The following CEP112 variants were observed in gnomAD, a reference collection of about 807,000 sequenced individuals.
The protein encoded by CEP112 is centrosomal protein of 112 kDa.
A neutral mutation model predicts 153.0 loss-of-function variants in CEP112; 127 were observed. The observed-to-expected ratio is 0.83, with a 90% CI of 0.72 to 0.96. The LOEUF is 0.96. Ranked by LOEUF, CEP112 falls within the 40% of genes least tolerant of loss-of-function variation. The pLI is 0.00. For missense variants in CEP112, 1,089 were observed against 1,101.2 expected, an observed-to-expected ratio of 0.99 and a Z score of 0.16; for synonymous variants, 358 against 374.4, an observed-to-expected ratio of 0.96 and a Z score of 0.51.
At chr17:65,984,043 G>A (rs1037694767) in intron 17 of CEP112, among the ~76,000 whole-genome samples, 1 of 152,002 alleles carries the variant, frequency 6.6e-6, no homozygotes, top group Non-Finnish European at 1.5e-5. Context: ...ACCAATTTAA[G>A]ATACTCTACA....
intron 4 of CEP112, among the ~76,000 whole-genome samples, chr17:66,138,403 A>C (rs1371385281): frequency 6.6e-6 from 1 of 152,208 alleles, no homozygotes; most frequent in East Asian, 1.9e-4. Flanking sequence ...CAAATAAGAC[A>C]AACGTTAAGT....
At chr17:65,828,626 T>A (rs964069657) in intron 21 of CEP112, among the ~76,000 whole-genome samples, 4 of 152,182 alleles carry the variant, frequency 2.6e-5, no homozygotes, top group African/African-American at 2.4e-5. Context: ...ATTATGGGGT[T>A]CCCTCTTACA....
At chr17:66,069,862 C>A (rs1412240366) in intron 9 of CEP112, 53 bp downstream of exon 9, 10 of 1,005,716 alleles carry the variant, frequency 9.9e-6, no homozygotes, top group Non-Finnish European at 1.5e-5. Flanking sequence ...CATCATAAAA[C>A]CTAGAATATT....
intron 20 of CEP112, among the ~76,000 whole-genome samples, chr17:65,869,729 G>A (rs1050145750): frequency 7.2e-5 from 11 of 151,742 alleles, no homozygotes; most frequent in South Asian, 2.1e-4. Context: ...ACAGGCAGGC[G>A]CCCGCCACCA....
intron 18 of CEP112, among the ~76,000 whole-genome samples, chr17:65,941,077 A>G (rs1003959936): frequency 6.6e-6 from 1 of 152,118 alleles, no homozygotes; most frequent in African/African-American, 2.4e-5. Context: ...GGTCAAAAAA[A>G]TCTCTTAAGG....
intron 20 of CEP112, among the ~76,000 whole-genome samples, chr17:65,858,513 G>C (rs981803203): frequency 5.9e-5 from 9 of 151,722 alleles, no homozygotes; most frequent in African/African-American, 2.2e-4. Context: ...TTTAATCTCT[G>C]ATGATCTGGA....
chr17:65,679,121 G>C (rs374022222), intron 24 of CEP112, among the ~76,000 whole-genome samples: 160 of 86,764 alleles, frequency 1.8e-3, no homozygotes, highest in African/African-American at 6.2e-3. Context: ...TTGACACTGT[G>C]GTTCAAGCTT....
At chr17:66,074,782 G>T (rs1199050978) in intron 8 of CEP112, among the ~76,000 whole-genome samples, 1 of 142,232 alleles carries the variant, frequency 7.0e-6, no homozygotes, top group Non-Finnish European at 1.5e-5. Context: ...AGAATTGCTT[G>T]AACCCAGGAG....
Position 65,859,400 on chromosome 17 carries a change from A to C in CEP112, c.2164-7366T>G, listed in dbSNP as rs536782809. ...GGTTGTAGTGAGCTGAGATCGCGCCATTGCACTCCAGCCTGGGTGACAGGG... is the reference window on the plus strand; with the variant it reads ...GGTTGTAGTGAGCTGAGATCGCGCCCTTGCACTCCAGCCTGGGTGACAGGG... On this transcript the variant is annotated intron_variant, in intron 20 of 26. Transcript: ENST00000535342. Among the ~76,000 whole-genome samples the C allele has an allele frequency of 5.4e-5, 8 of 148,334 alleles. No individual in the cohort carries two copies. In the South Asian group the frequency reaches 1.7e-3, roughly 32 times the overall value.
At chr17:65,993,880 C>T (rs1254995755) in intron 17 of CEP112, among the ~76,000 whole-genome samples, 1 of 151,964 alleles carries the variant, frequency 6.6e-6, no homozygotes, top group East Asian at 1.9e-4. Flanking sequence ...TGTTAATGTT[C>T]AGTTTCTTGA....
intron 1 of CEP112, among the ~76,000 whole-genome samples, chr17:66,186,830 A>G (rs2072954777): frequency 6.6e-6 from 1 of 152,178 alleles, no homozygotes; most frequent in South Asian, 2.1e-4. Context: ...GAATAACTCC[A>G]GCTTCTCCTA....
intron 17 of CEP112, among the ~76,000 whole-genome samples, chr17:65,971,940 T>C (rs977621733): frequency 5.9e-5 from 9 of 152,266 alleles, no homozygotes; most frequent in African/African-American, 1.7e-4. Flanking sequence ...ACATGCACAA[T>C]TACATTTCGA....
chr17:66,056,059 T>C (rs556224082), intron 11 of CEP112, among the ~76,000 whole-genome samples: 1 of 152,340 alleles, frequency 6.6e-6, no homozygotes, highest in African/African-American at 2.4e-5. Flanking sequence ...ATTATTAGGC[T>C]ATAGGATACA....
chr17:66,049,906 T>C (rs143492750), intron 12 of CEP112, among the ~76,000 whole-genome samples: 1 of 151,846 alleles, frequency 6.6e-6, no homozygotes, highest in Non-Finnish European at 1.5e-5. Context: ...AAATAAAGAA[T>C]AGGAAGAAAA....
chr17:65,903,071 CTG>C (rs1323849213), intron 19 of CEP112: 1 of 152,292 alleles, frequency 6.6e-6, no homozygotes, highest in Non-Finnish European at 1.5e-5. Flanking sequence ...TCCTCCCAGA[CTG>C]TGCACAATGG....
intron 19 of CEP112, among the ~76,000 whole-genome samples, chr17:65,926,602 A>G (rs1350762368): frequency 6.6e-6 from 1 of 151,868 alleles, no homozygotes; most frequent in East Asian, 1.9e-4. Context: ...AATCCCAGCT[A>G]CTTGGGAGGC....
chr17:65,963,671 A>AGG (rs753540478), intron 17 of CEP112, among the ~76,000 whole-genome samples: 129 of 137,392 alleles, frequency 9.4e-4, no homozygotes, highest in Non-Finnish European at 1.4e-3. Flanking sequence ...AGATATAGAT[A>AGG]GGGGTGTGTG....
intron 17 of CEP112, among the ~76,000 whole-genome samples, chr17:65,986,627 A>T (rs1003336076): frequency 4.6e-5 from 7 of 152,204 alleles, no homozygotes; most frequent in African/African-American, 1.7e-4. Context: ...TTGGACACAA[A>T]AAGAGGGAAA....
At chr17:66,001,844 C>A (rs987888244) in intron 17 of CEP112, among the ~76,000 whole-genome samples, 3 of 151,972 alleles carry the variant, frequency 2.0e-5, no homozygotes, top group Admixed American at 6.6e-5. Context: ...TATTTAGTTC[C>A]CCATATGCTT....
Sources: gnomAD v4.1 joint callset for allele counts (sites outside exome capture counted in the v4.1 genomes callset) on GRCh38, gnomAD v4.1.1 for gene constraint, MANE v1.5 for transcripts, NCBI Gene and HGNC (gene_info 2026-07-23, HGNC 2026-07-21) for gene names.